The following DLG2 variants were observed in gnomAD, a reference collection of about 807,000 sequenced individuals.
The protein encoded by DLG2 is discs large MAGUK scaffold protein 2, also known as disks large homolog 2.
Under a neutral mutation model 132.5 loss-of-function variants are expected in DLG2, and 45 were observed. That is an observed-to-expected ratio of 0.34 (90% CI 0.27 to 0.44). DLG2 has a LOEUF of 0.44. Among genes scored for constraint, DLG2 ranks in the 20% least tolerant of loss-of-function variants. The pLI is 1.00. For missense variants in DLG2, 1,045 were observed against 1,196.9 expected (o/e 0.87, Z 1.87); for synonymous variants, 424 against 419.6 (o/e 1.01, Z -0.13).
At chr11:84,495,684 C>T (rs930041055) in intron 7 of DLG2, among the ~76,000 whole-genome samples, 1 of 152,140 alleles carries the variant, frequency 6.6e-6, no homozygotes, top group Non-Finnish European at 1.5e-5. Flanking sequence ...TCCATAATAA[C>T]TTATGCTTAT....
At chr11:84,393,681 G>C (rs759551869) in intron 7 of DLG2, among the ~76,000 whole-genome samples, 4 of 150,206 alleles carry the variant, frequency 2.7e-5, no homozygotes, top group Non-Finnish European at 5.9e-5. Context: ...TGCCCAAACT[G>C]TTTTGTGTTT....
chr11:85,464,605 A>T (rs1456928082), intron 3 of DLG2, among the ~76,000 whole-genome samples: 1 of 152,170 alleles, frequency 6.6e-6, no homozygotes, highest in African/African-American at 2.4e-5. Context: ...TATAGGAACA[A>T]TTGGAATAGT....
chr11:83,598,599 C>A (rs924265150), intron 19 of DLG2, among the ~76,000 whole-genome samples: 1 of 152,068 alleles, frequency 6.6e-6, no homozygotes, highest in East Asian at 1.9e-4. Context: ...TATTTTGAGG[C>A]TAAATGAGGT....
At chr11:83,616,487 A>G (rs2060827726) in intron 19 of DLG2, among the ~76,000 whole-genome samples, 1 of 146,542 alleles carries the variant, frequency 6.8e-6, no homozygotes, top group Non-Finnish European at 1.5e-5. Flanking sequence ...TCTTTTGTCC[A>G]TTAAAAAAAA....
At chr11:85,498,908 A>T (rs968126507) in intron 3 of DLG2, among the ~76,000 whole-genome samples, 7 of 152,252 alleles carry the variant, frequency 4.6e-5, no homozygotes, top group African/African-American at 1.7e-4. Flanking sequence ...CAAGGACACC[A>T]TGTACCAGAA....
intron 15 of DLG2, among the ~76,000 whole-genome samples, chr11:83,928,331 T>C (rs1393297221): frequency 1.3e-5 from 2 of 152,014 alleles, no homozygotes; most frequent in Non-Finnish European, 2.9e-5. Flanking sequence ...ATGATACAGA[T>C]GACAGAAAGC....
chr11:84,868,215 GTTTAT>G (rs147929761), intron 6 of DLG2, among the ~76,000 whole-genome samples: 4,957 of 149,358 alleles, frequency 0.033, 183 homozygotes, highest in African/African-American at 0.087. Flanking sequence ...GCCATTGAAG[GTTTAT>G]TTTATTAGGT....
intron 4 of DLG2, among the ~76,000 whole-genome samples, chr11:85,221,438 G>A (rs1056838009): frequency 9.9e-5 from 15 of 152,270 alleles, no homozygotes; most frequent in Non-Finnish European, 4.4e-5. Context: ...TAGAATATTA[G>A]ACAGAACTTC....
At chr11:85,020,033 G>A (rs2059907849) in intron 6 of DLG2, among the ~76,000 whole-genome samples, 1 of 152,178 alleles carries the variant, frequency 6.6e-6, no homozygotes, top group Non-Finnish European at 1.5e-5. Context: ...GATCCTTGGG[G>A]AATCGCCACG....
intron 15 of DLG2, among the ~76,000 whole-genome samples, chr11:83,903,079 C>T (rs2073904311): frequency 6.6e-6 from 1 of 152,064 alleles, no homozygotes; most frequent in African/African-American, 2.4e-5. Flanking sequence ...TATCGGGCAA[C>T]CACAGCCTCT....
chr11:84,526,531 A>C (rs1425617343), intron 7 of DLG2, among the ~76,000 whole-genome samples: 1 of 152,194 alleles, frequency 6.6e-6, no homozygotes, highest in African/African-American at 2.4e-5. Context: ...CCAGAGGTCA[A>C]CTATGACCTG....
chr11:84,344,741 T>C (rs2098531646), intron 7 of DLG2, among the ~76,000 whole-genome samples: 2 of 152,202 alleles, frequency 1.3e-5, no homozygotes, highest in African/African-American at 2.4e-5. Context: ...GTCTGAAGAA[T>C]ATAGATATCC....
intron 6 of DLG2, among the ~76,000 whole-genome samples, chr11:84,922,687 G>A (rs991959763): frequency 2.6e-5 from 4 of 152,110 alleles, no homozygotes; most frequent in Admixed American, 6.5e-5. Context: ...CAATTCAGCT[G>A]CAAGAACACA....
chr11:85,183,258 GGCAACTTT>G, intron 4 of DLG2, among the ~76,000 whole-genome samples: 1 of 151,834 alleles, frequency 6.6e-6, no homozygotes, highest in Non-Finnish European at 1.5e-5. Flanking sequence ...CTGATTCCCA[GGCAACTTT>G]AGCTAAGGCT....
At chr11:84,874,710 G>T (rs954405231) in intron 6 of DLG2, among the ~76,000 whole-genome samples, 1 of 152,052 alleles carries the variant, frequency 6.6e-6, no homozygotes, top group Non-Finnish European at 1.5e-5. Context: ...AGGAAATGGA[G>T]ATTGAAAGAC....
chr11:84,889,342 G>A (rs2088908524), intron 6 of DLG2, among the ~76,000 whole-genome samples: 2 of 152,126 alleles, frequency 1.3e-5, no homozygotes, highest in South Asian at 4.1e-4. Flanking sequence ...AATCTCTGAA[G>A]GCTTCATGGT....
At chr11:84,388,823 T>TA (rs1335517978) in intron 7 of DLG2, among the ~76,000 whole-genome samples, 2 of 152,224 alleles carry the variant, frequency 1.3e-5, no homozygotes, top group East Asian at 3.9e-4. Flanking sequence ...TTTATAATCA[T>TA]AAAAAATCAT....
chr11:85,337,482 T>C (rs1297340726), intron 3 of DLG2, among the ~76,000 whole-genome samples: 1 of 152,188 alleles, frequency 6.6e-6, no homozygotes, highest in Non-Finnish European at 1.5e-5. Flanking sequence ...TAAAATGAAA[T>C]TTCCTGGGAT....
chr11:85,545,728 T>C (rs1170292827), intron 3 of DLG2, among the ~76,000 whole-genome samples: 1 of 152,206 alleles, frequency 6.6e-6, no homozygotes, highest in African/African-American at 2.4e-5. Context: ...AGGGTGTATG[T>C]GTCCAGGAAC....
Sources: allele counts gnomAD v4.1 joint callset (sites outside exome capture counted in the v4.1 genomes callset), GRCh38; gene constraint gnomAD v4.1.1; transcripts MANE v1.5; gene names NCBI Gene and HGNC (gene_info 2026-07-23, HGNC 2026-07-21).